FMNL2: variants seen among roughly 807,000 people sequenced by gnomAD.
The protein encoded by FMNL2 is formin like 2, also known as formin-like protein 2.
Under a neutral mutation model 130.2 loss-of-function variants are expected in FMNL2, and 51 were observed. That is an observed-to-expected ratio of 0.39 (90% CI 0.31 to 0.49). FMNL2 has a LOEUF of 0.49. Ranked by LOEUF, FMNL2 falls within the 20% of genes least tolerant of loss-of-function variation. The pLI is 0.85. For missense variants in FMNL2, 977 were observed against 1,316.2 expected (o/e 0.74, Z 3.99); for synonymous variants, 465 against 467.1 (o/e 1.00, Z 0.06).
At chr2:152,339,125 G>A (rs577173951) in intron 1 of FMNL2, among the ~76,000 whole-genome samples, 1 of 152,278 alleles carries the variant, frequency 6.6e-6, no homozygotes, top group South Asian at 2.1e-4. Context: ...GTCAACCACT[G>A]CCTGTGGGCC....
chr2:152,335,787 C>T (rs1579415129), intron 1 of FMNL2, 67 bp downstream of exon 1: 2 of 1,150,010 alleles, frequency 1.7e-6, no homozygotes, highest in East Asian at 3.2e-5. Context: ...AGCTGACCCC[C>T]GCCCCTCCCC....
At chr2:152,387,335 C>T (rs1053303130) in intron 1 of FMNL2, among the ~76,000 whole-genome samples, 6 of 152,148 alleles carry the variant, frequency 3.9e-5, no homozygotes, top group Non-Finnish European at 8.8e-5. Flanking sequence ...TGGCAGACAC[C>T]AGCCCAGGGC....
At chr2:152,447,039 A>G (rs931679509) in intron 1 of FMNL2, among the ~76,000 whole-genome samples, 2 of 152,128 alleles carry the variant, frequency 1.3e-5, no homozygotes, top group Non-Finnish European at 2.9e-5. Flanking sequence ...TTTACCCTGA[A>G]AGAGAAGAGT....
chr2:152,397,480 A>T (rs1046353692), intron 1 of FMNL2, among the ~76,000 whole-genome samples: 3 of 152,220 alleles, frequency 2.0e-5, no homozygotes, highest in Non-Finnish European at 4.4e-5. Context: ...GAGAGAAGTT[A>T]AATTTTCCAG....
At chr2:152,525,737 A>G (rs2105419905) in intron 2 of FMNL2, among the ~76,000 whole-genome samples, 1 of 152,298 alleles carries the variant, frequency 6.6e-6, no homozygotes, top group Admixed American at 6.5e-5. Flanking sequence ...GTCAGACTGC[A>G]TCTCTCCAGG....
intron 1 of FMNL2, among the ~76,000 whole-genome samples, chr2:152,430,009 G>A (rs971895886): frequency 6.6e-6 from 1 of 152,206 alleles, no homozygotes; most frequent in South Asian, 2.1e-4. Context: ...GTTTACTTAC[G>A]TAACAAACCT....
chr2:152,561,250 G>C (rs2105600700), intron 6 of FMNL2, among the ~76,000 whole-genome samples: 1 of 152,278 alleles, frequency 6.6e-6, no homozygotes, highest in African/African-American at 2.4e-5. Flanking sequence ...ACCATACCTT[G>C]ATTCAGCATA....
At chr2:152,491,878 G>A (rs938629768) in intron 1 of FMNL2, among the ~76,000 whole-genome samples, 2 of 152,152 alleles carry the variant, frequency 1.3e-5, no homozygotes, top group Admixed American at 6.5e-5. Context: ...CTGAACTCGG[G>A]AGGCGGAGGT....
At chr2:152,642,004 T>G (rs777686442) in intron 25 of FMNL2, among the ~76,000 whole-genome samples, 1 of 151,834 alleles carries the variant, frequency 6.6e-6, no homozygotes, top group Non-Finnish European at 1.5e-5. Flanking sequence ...GCAGTGGTGC[T>G]ATCTCAGCTC....
At chr2:152,448,300 G>C (rs1688460672) in intron 1 of FMNL2, among the ~76,000 whole-genome samples, 1 of 152,024 alleles carries the variant, frequency 6.6e-6, no homozygotes. Context: ...TAAATTTTTG[G>C]ATAAAAGTAT....
intron 1 of FMNL2, among the ~76,000 whole-genome samples, chr2:152,441,055 G>T (rs1688023143): frequency 6.6e-6 from 1 of 152,180 alleles, no homozygotes; most frequent in African/African-American, 2.4e-5. Context: ...AACAACATTT[G>T]TAGACCATGT....
At position 152,639,035 on chromosome 2, in the gene FMNL2, T is replaced by C. The variant is rs1159870672; in HGVS notation, c.2947-923T>C. On this transcript the variant is annotated intron_variant, in intron 23 of 25. Coordinates refer to ENST00000288670, the MANE Select transcript of FMNL2 (RefSeq NM_052905.4). ...CCAGCCTGTCCATCAGCGTGCTCCT[T>C]CCACCTCACTGTTCCTCCCTGTGAT... is the stretch of plus-strand genomic sequence containing the variant. Among the ~76,000 whole-genome samples, 3 of 110,648 alleles carry C rather than the reference T, an allele frequency of 2.7e-5. No individual in the cohort carries two copies. The Admixed American group carries it at 3.1e-4, about 11-fold the overall frequency. The allele number at this position is 110,648 out of a possible 152,430, so 72.6% of individuals were successfully genotyped here. A position where few individuals can be genotyped will look rare whatever the true frequency, so the allele number is the denominator to read the frequency against.
Position 152,611,640 on chromosome 2 carries a change from G to T in FMNL2, c.1062+35G>T, listed in dbSNP as rs1250046339. 4 of 1,362,468 alleles carry T rather than the reference G, an allele frequency of 2.9e-6. No homozygotes were observed. In the East Asian group the frequency reaches 9.5e-5, roughly 32 times the overall value. The allele number at this position is 1,362,468 out of a possible 1,614,324, so 84.4% of individuals were successfully genotyped here. A position where few individuals can be genotyped will look rare whatever the true frequency, so the allele number is the denominator to read the frequency against. On this transcript the variant is annotated intron_variant, in intron 11 of 25. Transcript: ENST00000288670. ...GCTGTGACCTTTGGCTCCAATATAA[G>T]AATTGACTTATTATTGCCTGCCCTC...
chr2:152,576,713 A>G (rs1696497956), intron 7 of FMNL2, among the ~76,000 whole-genome samples: 1 of 152,176 alleles, frequency 6.6e-6, no homozygotes, highest in African/African-American at 2.4e-5. Flanking sequence ...AGGGTCACTG[A>G]GAGGGTAACA....
chr2:152,512,710 G>A (rs1692554258), intron 1 of FMNL2, among the ~76,000 whole-genome samples: 1 of 152,114 alleles, frequency 6.6e-6, no homozygotes, highest in African/African-American at 2.4e-5. Context: ...TGTCTGTTAG[G>A]TTGTGTTCAC....
At chr2:152,497,618 A>G (rs1691583172) in intron 1 of FMNL2, among the ~76,000 whole-genome samples, 1 of 151,970 alleles carries the variant, frequency 6.6e-6, no homozygotes, top group Admixed American at 6.6e-5. Flanking sequence ...CTGTATATAT[A>G]TTTTTTACAC....
chr2:152,615,111 G>C (rs2105880432), intron 12 of FMNL2, 111 bp downstream of exon 12: 1 of 1,136,616 alleles, frequency 8.8e-7, no homozygotes, highest in African/African-American at 1.6e-5. Flanking sequence ...ATAGGAATAG[G>C]CCATACCCTG....
At chr2:152,429,160 C>T (rs1687349786) in intron 1 of FMNL2, among the ~76,000 whole-genome samples, 1 of 141,270 alleles carries the variant, frequency 7.1e-6, no homozygotes, top group East Asian at 2.1e-4. Context: ...ACATCCTGCA[C>T]ATGTACCCCT....
intron 1 of FMNL2, among the ~76,000 whole-genome samples, chr2:152,412,273 A>G (rs1408716650): frequency 6.6e-6 from 1 of 151,740 alleles, no homozygotes; most frequent in African/African-American, 2.4e-5. Flanking sequence ...AATGAGAGGC[A>G]CAGAAAGAAT....
Sources: allele counts gnomAD v4.1 joint callset (sites outside exome capture counted in the v4.1 genomes callset), GRCh38; gene constraint gnomAD v4.1.1; transcripts MANE v1.5; gene names NCBI Gene and HGNC (gene_info 2026-07-23, HGNC 2026-07-21).